Variants in TCP11L2 observed in about 807,000 individuals in gnomAD.
TCP11L2 encodes the protein t-complex 11 like 2.
A neutral mutation model predicts 50.7 loss-of-function variants in TCP11L2; 39 were observed. The ratio of observed to expected loss-of-function variants is 0.77; its 90% CI spans 0.60 to 1.01. The LOEUF (loss-of-function observed/expected upper bound fraction) is 1.01. TCP11L2 is among the 50% of genes least tolerant of loss of function. The probability of loss-of-function intolerance (pLI) is 0.00; values close to 1 mark genes in which losing one functional copy is unlikely to be tolerated. For missense variants in TCP11L2, 612 were observed against 614.7 expected (o/e 1.00, Z 0.05); for synonymous variants, 192 against 219.3 (o/e 0.88, Z 1.10).
intron 8 of TCP11L2, among the ~76,000 whole-genome samples, chr12:106,340,253 T>G (rs923201836): frequency 2.0e-5 from 3 of 152,238 alleles, no homozygotes; most frequent in African/African-American, 4.8e-5. Context: ...TAATTACCTT[T>G]ACAACTTTCT....
chr12:106,302,253 C>G (rs1052182998), upstream of TCP11L2, among the ~76,000 whole-genome samples: 1 of 151,964 alleles, frequency 6.6e-6, no homozygotes, highest in Non-Finnish European at 1.5e-5. Context: ...GGGATCTGTC[C>G]GGCACTCCAC....
chr12:106,302,055 T>C (rs1409933050), upstream of TCP11L2: 2 of 152,444 alleles, frequency 1.3e-5, no homozygotes, highest in Non-Finnish European at 2.9e-5. Flanking sequence ...ACCCGGTTAG[T>C]GGCTGACGTG....
chr12:106,302,400 C>T (rs1272453712), upstream of TCP11L2, among the ~76,000 whole-genome samples: 1 of 83,218 alleles, frequency 1.2e-5, no homozygotes, highest in Non-Finnish European at 2.4e-5. Flanking sequence ...CCGCTCAGCC[C>T]CCGCTCAGCC....
chr12:106,314,671 A>C (rs2035012033), intron 3 of TCP11L2, among the ~76,000 whole-genome samples, 178 bp downstream of exon 3: 1 of 151,788 alleles, frequency 6.6e-6, no homozygotes, highest in Non-Finnish European at 1.5e-5. Context: ...TCAGGGGTAA[A>C]CATTTAGTTC....
rs1362320522 is a variant in TCP11L2 at position 106,335,627 on chromosome 12, TTTCACTC to T, written c.773-9_773-3del. The T allele has an allele frequency of 6.2e-7, 1 of 1,612,956 alleles. No individual in the cohort carries two copies. The highest frequency in any genetic ancestry group is 8.5e-7 in the Non-Finnish European group (1 of 1,179,458). On this transcript the variant is annotated splice_polypyrimidine_tract_variant and splice_region_variant and intron_variant, in intron 6 of 9. Coordinates refer to ENST00000299045, the MANE Select transcript of TCP11L2 (RefSeq NM_152772.3). ...CAGCTGTAGAACAAATATGTGGCCT[TTTCACTC>T]TTAGGTGCTCTTGATCAGACTACAG...
intron 1 of TCP11L2, among the ~76,000 whole-genome samples, chr12:106,308,365 C>T (rs1041495640): frequency 9.2e-5 from 14 of 152,206 alleles, no homozygotes; most frequent in Non-Finnish European, 1.9e-4. Context: ...ACCCTGGACT[C>T]CTGACTCCCA....
At chr12:106,303,952 C>T (rs2136582066) in intron 1 of TCP11L2, 1 of 152,244 alleles carries the variant, frequency 6.6e-6, no homozygotes, top group Middle Eastern at 3.4e-3. Context: ...TGTCCTTGTC[C>T]CCAGTGGGTG....
At chr12:106,323,450 G>A (rs971838709) in intron 5 of TCP11L2, 60 bp from the exon 6 acceptor site, 8 of 1,412,990 alleles carry the variant, frequency 5.7e-6, no homozygotes, top group Non-Finnish European at 7.7e-6. Context: ...ATAGATCATT[G>A]TTAGTGAATT....
rs540522894 is a variant in TCP11L2, at chr12:106,332,561, G to A, written c.773-3078G>A. On this transcript the variant is annotated intron_variant, in intron 6 of 9. Coordinates refer to ENST00000299045, the MANE Select transcript of TCP11L2 (RefSeq NM_152772.3). The stretch of plus-strand genomic sequence containing the variant: ...AGGGTTATTTTGCTGGTCTGCTCAG[G>A]CTACCATAACAAAGTACCACAGACT... 8.4e-4 allele frequency among the ~76,000 whole-genome samples: 128 copies of A among 152,288 alleles called. 1 individual carries two copies. The highest frequency in any genetic ancestry group is 1.5e-3 in the Non-Finnish European group (100 of 68,020).
At chr12:106,324,573 G>A (rs1035052385) in intron 6 of TCP11L2, 2 of 152,220 alleles carry the variant, frequency 1.3e-5, no homozygotes, top group African/African-American at 4.8e-5. Context: ...CCTGGCTACA[G>A]AATAGGTCAT....
At chr12:106,339,596 T>C (rs2036029876) in intron 8 of TCP11L2, among the ~76,000 whole-genome samples, 1 of 152,240 alleles carries the variant, frequency 6.6e-6, no homozygotes, top group Non-Finnish European at 1.5e-5. Flanking sequence ...TTTAGGGTTT[T>C]TAAAGGTCTT....
intron 9 of TCP11L2, among the ~76,000 whole-genome samples, chr12:106,343,304 T>C (rs141715929): frequency 1.2e-4 from 19 of 152,344 alleles, no homozygotes; most frequent in African/African-American, 2.9e-4. Flanking sequence ...TGTGATGATA[T>C]AGACCTGGGC....
intron 8 of TCP11L2, among the ~76,000 whole-genome samples, chr12:106,339,608 T>C (rs1278326803): frequency 6.6e-6 from 1 of 152,198 alleles, no homozygotes; most frequent in Non-Finnish European, 1.5e-5. Flanking sequence ...AAAGGTCTTA[T>C]AGTTAAGTCT....
At chr12:106,330,353 T>A in intron 6 of TCP11L2, 1 of 983,120 alleles carries the variant, frequency 1.0e-6, no homozygotes, top group Non-Finnish European at 1.2e-6. Context: ...GTGGTTCTCT[T>A]AGGGGTGATT....
At position 106,346,533 on chromosome 12, in the gene TCP11L2, A is replaced by G. The variant is rs1224278887; in HGVS notation, c.*3A>G. 6.2e-7 allele frequency: 1 copy of G among 1,609,032 alleles called. No homozygotes were observed. Among genetic ancestry groups the G allele is most frequent in the East Asian group, 2.2e-5 (1 of 44,850 alleles). ...ATGCTTCACCTCCTACTAACTAAAG[A>G]AGAACTGACATTGGACGAGAGATTG... On this transcript the variant is annotated 3_prime_UTR_variant, in exon 10 of 10. Transcript: ENST00000299045.
At chr12:106,313,589 A>ATAAATAAG (rs1383855036) in intron 2 of TCP11L2, among the ~76,000 whole-genome samples, 90 of 149,218 alleles carry the variant, frequency 6.0e-4, no homozygotes, top group African/African-American at 1.8e-3. Flanking sequence ...AAAAAAATAA[A>ATAAATAAG]TAAATAAATA....
intron 6 of TCP11L2, among the ~76,000 whole-genome samples, chr12:106,335,369 A>G (rs955724379): frequency 2.0e-5 from 3 of 152,314 alleles, no homozygotes; most frequent in South Asian, 2.1e-4. Context: ...AGAATGTGCC[A>G]TATGCTGTCT....
chr12:106,311,156 G>C lies in TCP11L2; in HGVS notation c.81G>C (p.Met27Ile). The change falls in exon 2 of 10, where the codon ATG becomes ATC. Residue 27 changes from methionine to isoleucine, a missense_variant. Coordinates refer to ENST00000299045, the MANE Select transcript of TCP11L2 (RefSeq NM_152772.3). ...ATTCTTCCCGGTTTTCCGAAAGCAT[G>C]GCTTCGCTCAGTGACTATGAATGCT... Reference protein sequence around the residue: ...DSDSSRFSESMASLSDYECSR... With the variant: ...DSDSSRFSESIASLSDYECSR... 1.2e-6 allele frequency: 2 copies of C among 1,614,204 alleles called. No homozygotes were observed. The highest frequency in any genetic ancestry group is 2.2e-5 in the South Asian group (2 of 91,082).
chr12:106,329,147 A>T (rs562894397), intron 6 of TCP11L2, among the ~76,000 whole-genome samples: 3 of 152,250 alleles, frequency 2.0e-5, no homozygotes, highest in Admixed American at 6.5e-5. Flanking sequence ...AGCACGTGTA[A>T]TACCATTGCT....
Sources: gnomAD v4.1 joint callset for allele counts (sites outside exome capture counted in the v4.1 genomes callset) on GRCh38, gnomAD v4.1.1 for gene constraint, MANE v1.5 for transcripts, NCBI Gene and HGNC (gene_info 2026-07-23, HGNC 2026-07-21) for gene names.